The following VIRMA variants were observed in gnomAD, a reference collection of about 807,000 sequenced individuals.
VIRMA encodes the protein protein virilizer homolog.
VIRMA carries 65 observed loss-of-function variants against 182.4 expected under a neutral mutation model. That is an observed-to-expected ratio of 0.36 (90% CI 0.29 to 0.44). VIRMA has a LOEUF of 0.44. Among genes scored for constraint, VIRMA ranks in the 20% least tolerant of loss-of-function variants. The probability of loss-of-function intolerance (pLI) is 1.00; values close to 1 mark genes in which losing one functional copy is unlikely to be tolerated. For missense variants in VIRMA, 1,752 were observed against 2,158.1 expected (o/e 0.81, Z 3.73); for synonymous variants, 709 against 743.1 (o/e 0.95, Z 0.75).
intron 16 of VIRMA, among the ~76,000 whole-genome samples, chr8:94,501,797 A>G (rs1236128651): frequency 6.6e-6 from 1 of 151,988 alleles, no homozygotes; most frequent in Admixed American, 6.5e-5. Flanking sequence ...GCTCTACAAA[A>G]GATACAAAAA....
In VIRMA at chr8:94,488,090, AACT is replaced by A. The variant is rs1421140792; in HGVS notation, c.*613_*615del. On this transcript the variant is annotated 3_prime_UTR_variant, in exon 24 of 24. Coordinates refer to ENST00000297591, the MANE Select transcript of VIRMA (RefSeq NM_015496.5). ...AGCAACACCTGTTGGACATCACATAAACTACTACTTTGAGGTAGTTTACATTTT... is the reference window on the plus strand; with the variant it reads ...AGCAACACCTGTTGGACATCACATAAACTACTTTGAGGTAGTTTACATTTT... 2.0e-5 allele frequency: 3 copies of A among 152,220 alleles called. No individual in the cohort carries two copies. The highest frequency in any genetic ancestry group is 6.5e-5 in the Admixed American group (1 of 15,270). The allele number at this position is 152,220 out of a possible 1,614,324, so 9.4% of individuals were successfully genotyped here. A position where few individuals can be genotyped will look rare whatever the true frequency, so the allele number is the denominator to read the frequency against.
chr8:94,516,767 G>A (rs1814574184), intron 10 of VIRMA, among the ~76,000 whole-genome samples: 1 of 152,102 alleles, frequency 6.6e-6, no homozygotes, highest in South Asian at 2.1e-4. Flanking sequence ...GCATTCTTCA[G>A]GAAAAAAATC....
chr8:94,494,827 A>G (rs552011929), intron 20 of VIRMA, 33 bp downstream of exon 20: 20 of 1,192,370 alleles, frequency 1.7e-5, no homozygotes, highest in Non-Finnish European at 2.4e-5. Context: ...AAAAACAATA[A>G]CGTTTTTCTA....
At chr8:94,521,911 G>A (rs1282838375) in intron 8 of VIRMA, among the ~76,000 whole-genome samples, 1 of 152,182 alleles carries the variant, frequency 6.6e-6, no homozygotes, top group Admixed American at 6.5e-5. Context: ...GCCTCAGACT[G>A]CACATCCTTA....
intron 19 of VIRMA, among the ~76,000 whole-genome samples, chr8:94,495,301 G>A (rs747907081): frequency 1.7e-4 from 26 of 152,076 alleles, no homozygotes; most frequent in Non-Finnish European, 3.4e-4. Flanking sequence ...AATATGCCCA[G>A]TCTTTTAGCT....
Position 94,491,817 on chromosome 8 carries a change from C to T in VIRMA, c.4901G>A (p.Arg1634Gln). Residue 1634 changes from arginine (R) to glutamine (Q), a missense_variant, in exon 22 of 24, where the codon CGA (arginine) becomes CAA (glutamine). Arg to Gln is a conservative substitution (Grantham distance 43). Coordinates refer to ENST00000297591, the MANE Select transcript of VIRMA (RefSeq NM_015496.5). Reference protein sequence around the residue: ...RGRGGFGQGIRPHDIFRQRKQ... With the variant: ...RGRGGFGQGIQPHDIFRQRKQ... ...TCTCTGACGAAAAATATCATGAGGT[C>T]GTATACCCTGTCCAAATCCTCCCCT... 1 of 1,613,582 alleles carries T rather than the reference C, an allele frequency of 6.2e-7. No homozygotes were observed.
chr8:94,538,029 C>T (rs527925687), intron 3 of VIRMA, among the ~76,000 whole-genome samples: 1 of 152,236 alleles, frequency 6.6e-6, no homozygotes, highest in South Asian at 2.1e-4. Flanking sequence ...AACACATGCA[C>T]GAGTCACAAG....
chr8:94,516,690 C>A (rs560025603), intron 10 of VIRMA, among the ~76,000 whole-genome samples: 15 of 152,236 alleles, frequency 9.9e-5, no homozygotes, highest in South Asian at 8.3e-4. Flanking sequence ...GAATACCCAA[C>A]ACCCAGAAAA....
rs756880313 is a variant in VIRMA at position 94,534,866 on chromosome 8, G to A, written c.457C>T (p.Pro153Ser). 3 of 1,596,248 alleles carry A rather than the reference G, an allele frequency of 1.9e-6. No homozygotes were observed. The highest frequency in any genetic ancestry group is 1.7e-6 in the Non-Finnish European group (2 of 1,170,342). ...PPPPPPPQPQ[P>S]SLKRNPKHAD... ...TGTTTTGGATTCCTTTTCAAACTTGGTTGTGGCTGGGGAGGTGGTGGCGGT... is the reference window on the plus strand; with the variant it reads ...TGTTTTGGATTCCTTTTCAAACTTGATTGTGGCTGGGGAGGTGGTGGCGGT... Residue 153 changes from proline (P) to serine (S), a missense_variant, in exon 5 of 24, where the codon CCA (proline) becomes TCA (serine). Physicochemically the swap from Pro to Ser is moderately conservative, Grantham distance 74. Coordinates refer to ENST00000297591, the MANE Select transcript of VIRMA (RefSeq NM_015496.5).
At chr8:94,506,788 T>C in intron 15 of VIRMA, 71 bp from the exon 16 acceptor site, 1 of 865,848 alleles carries the variant, frequency 1.2e-6, no homozygotes. Context: ...TTTTGAGAAA[T>C]ACATAGCAAT....
Position 94,527,051 on chromosome 8 carries a change from G to A in VIRMA, c.1193C>T (p.Ala398Val), listed in dbSNP as rs1397592159. 1.2e-6 allele frequency: 2 copies of A among 1,614,016 alleles called. No homozygotes were observed. The highest frequency in any genetic ancestry group is 4.5e-5 in the East Asian group (2 of 44,882). The change falls in exon 8 of 24, where the codon GCA (alanine) becomes GTA (valine). Residue 398 changes from alanine (A) to valine (V), a missense_variant. Ala to Val is a moderately conservative substitution (Grantham distance 64). Around this residue, in one of 11 missense-constraint regions of VIRMA, gnomAD observed 401 missense variants for 455.1 expected, o/e 0.88. Transcript: ENST00000297591. ...TTCTTCTAAAGCTGTTACCCATTTT[G>A]CACCTCTATCTTCTCTATACAAATC... ...LLDLYREDRG[A>V]KWVTALEEIP... is the part of the protein sequence containing the mutation.
At chr8:94,546,750 T>A (rs1815780883) in intron 1 of VIRMA, 1 of 365,044 alleles carries the variant, frequency 2.7e-6, no homozygotes, top group Non-Finnish European at 5.4e-6. Flanking sequence ...AAGTCCATTG[T>A]ATCATTCTTA....
intron 22 of VIRMA, among the ~76,000 whole-genome samples, chr8:94,490,468 C>T (rs554513042): frequency 6.8e-4 from 104 of 152,214 alleles, no homozygotes; most frequent in Non-Finnish European, 1.4e-3. Context: ...CTCTTTCACT[C>T]TCACCCTCCT....
At chr8:94,489,115 T>C (rs1813536199) in intron 23 of VIRMA, among the ~76,000 whole-genome samples, 1 of 152,214 alleles carries the variant, frequency 6.6e-6, no homozygotes, top group South Asian at 2.1e-4. Flanking sequence ...AAGCTACTTC[T>C]GATAAGTAAA....
rs963429701 is a variant in VIRMA, at chr8:94,540,461, C to CTT, written c.180-2117_180-2116dup. Reference sequence around the variant, plus strand: ...GCCCTTCTTTACTTTTTCTTCTTTTCTTTTTTTTTTTTTTTTTTTTGAGAC... The same window carrying CTT: ...GCCCTTCTTTACTTTTTCTTCTTTTCTTTTTTTTTTTTTTTTTTTTTTGAGAC... On this transcript the variant is annotated intron_variant, in intron 2 of 23. Coordinates refer to ENST00000297591, the MANE Select transcript of VIRMA (RefSeq NM_015496.5). Among the ~76,000 whole-genome samples the CTT allele has an allele frequency of 3.7e-3, 476 of 128,568 alleles. 8 individuals carry two copies. The highest frequency in any genetic ancestry group is 9.1e-3 in the African/African-American group (326 of 35,786). 84.3% of individuals were successfully genotyped at this position (128,568 alleles called of 152,430 possible). A position where few individuals can be genotyped will look rare whatever the true frequency, so the allele number is the denominator to read the frequency against.
At chr8:94,542,260 TG>T (rs1815580884) in intron 2 of VIRMA, among the ~76,000 whole-genome samples, 1 of 152,252 alleles carries the variant, frequency 6.6e-6, no homozygotes, top group Non-Finnish European at 1.5e-5. Context: ...GCTTCTTTCT[TG>T]GGCATGCCCT....
At chr8:94,507,319 TA>T (rs1322496814) in intron 15 of VIRMA, among the ~76,000 whole-genome samples, 2 of 151,562 alleles carry the variant, frequency 1.3e-5, no homozygotes, top group Non-Finnish European at 2.9e-5. Flanking sequence ...ATTTTTAGTA[TA>T]GACGGGGTTT....
rs369075962 is a variant in VIRMA at position 94,538,244 on chromosome 8, C to T, written c.266+16G>A. 60 of 1,552,656 alleles carry T rather than the reference C, an allele frequency of 3.9e-5. No individual in the cohort carries two copies. The highest frequency in any genetic ancestry group is 5.2e-5 in the Non-Finnish European group (58 of 1,125,280). On this transcript the variant is annotated intron_variant, in intron 3 of 23. Coordinates refer to ENST00000297591, the MANE Select transcript of VIRMA (RefSeq NM_015496.5). ...AACTCATGAGTTTCTGGTGAAATTA[C>T]CTAGCAGGTACATACCTTCCCAACC...
chr8:94,541,353 G>T (rs1815547720), intron 2 of VIRMA, among the ~76,000 whole-genome samples: 1 of 152,024 alleles, frequency 6.6e-6, no homozygotes, highest in South Asian at 2.1e-4. Flanking sequence ...TCCTGCCTCG[G>T]CCTCCCAAAG....
Sources: allele counts gnomAD v4.1 joint callset (sites outside exome capture counted in the v4.1 genomes callset), GRCh38; gene constraint gnomAD v4.1.1; regional missense constraint gnomAD v4.1.1; transcripts MANE v1.5; gene names NCBI Gene and HGNC (gene_info 2026-07-23, HGNC 2026-07-21).